FGD6: variants seen among roughly 807,000 people sequenced by gnomAD.
FGD6 encodes FYVE, RhoGEF and PH domain-containing protein 6.
Under a neutral mutation model 149.4 loss-of-function variants are expected in FGD6, and 90 were observed. That is an observed-to-expected ratio of 0.60 (90% CI 0.51 to 0.72). The LOEUF is 0.72. Ranked by LOEUF, FGD6 falls within the 30% of genes least tolerant of loss-of-function variation. FGD6 has a pLI of 0.00. For synonymous variants in FGD6, 527 were observed against 584.0 expected (o/e 0.90, Z 1.41); for missense variants, 1,437 against 1,684.8 (o/e 0.85, Z 2.57).
chr12:95,169,781 T>C (rs1436085831), intron 3 of FGD6, among the ~76,000 whole-genome samples: 1 of 150,574 alleles, frequency 6.6e-6, no homozygotes, highest in East Asian at 1.9e-4. Flanking sequence ...AACTTGGGAG[T>C]TGCTTTTCAA....
At chr12:95,150,491 G>C (rs1387261850) in intron 5 of FGD6, among the ~76,000 whole-genome samples, 1 of 151,930 alleles carries the variant, frequency 6.6e-6, no homozygotes, top group Non-Finnish European at 1.5e-5. Context: ...GGATGTTCAG[G>C]GCAGAGCAGC....
rs192485027 is a variant in FGD6, at chr12:95,149,365, T to C, written c.2685+3446A>G. Among the ~76,000 whole-genome samples, 755 of 116,150 alleles carry C rather than the reference T, an allele frequency of 6.5e-3. 13 individuals are homozygous for C. The highest frequency in any genetic ancestry group is 0.024 in the African/African-American group (713 of 30,016). The allele number at this position is 116,150 out of a possible 152,430, so 76.2% of individuals were successfully genotyped here. Reference sequence around the variant, plus strand: ...ATAATATATAGCATATATTATATTATATATAGCACATATTTTATATATATA... The same window carrying C: ...ATAATATATAGCATATATTATATTACATATAGCACATATTTTATATATATA... On this transcript the variant is annotated intron_variant, in intron 5 of 20. Coordinates refer to ENST00000343958, the MANE Select transcript of FGD6 (RefSeq NM_018351.4).
chr12:95,172,915 G>C (rs1404382552), intron 2 of FGD6, among the ~76,000 whole-genome samples, 171 bp from the exon 3 acceptor site: 1 of 152,162 alleles, frequency 6.6e-6, no homozygotes, highest in Non-Finnish European at 1.5e-5. Flanking sequence ...CCCTGTCTCA[G>C]CTGCCAAAAA....
At chr12:95,180,584 G>T (rs1881254825) in intron 2 of FGD6, among the ~76,000 whole-genome samples, 2 of 151,846 alleles carry the variant, frequency 1.3e-5, no homozygotes, top group Admixed American at 6.6e-5. Context: ...CTTTTGTAGA[G>T]ACTGGGTTTT....
intron 8 of FGD6, among the ~76,000 whole-genome samples, chr12:95,128,146 T>A (rs374782004): frequency 4.6e-5 from 7 of 152,216 alleles, no homozygotes; most frequent in African/African-American, 1.7e-4. Flanking sequence ...AGACAAAAAG[T>A]GGCCCTTACA....
At chr12:95,100,306 A>G (rs1878382317) in intron 14 of FGD6, among the ~76,000 whole-genome samples, 1 of 152,110 alleles carries the variant, frequency 6.6e-6, no homozygotes, top group Non-Finnish European at 1.5e-5. Context: ...ATAGCAGACA[A>G]TCGCCTTCCC....
intron 9 of FGD6, 75 bp downstream of exon 9, chr12:95,113,576 C>T: frequency 8.8e-7 from 1 of 1,132,152 alleles, no homozygotes; most frequent in East Asian, 2.4e-5. Flanking sequence ...ATTTTGTTAT[C>T]AATATATTTT....
intron 2 of FGD6, among the ~76,000 whole-genome samples, chr12:95,182,014 T>C (rs1474497004): frequency 6.6e-6 from 1 of 151,970 alleles, no homozygotes; most frequent in Non-Finnish European, 1.5e-5. Context: ...GTTTCTCTTA[T>C]TGAAAACGAA....
At chr12:95,196,994 T>TC (rs1565921655) in intron 2 of FGD6, among the ~76,000 whole-genome samples, 17 of 152,166 alleles carry the variant, frequency 1.1e-4, no homozygotes, top group African/African-American at 3.9e-4. Flanking sequence ...ACCTTGGAAG[T>TC]AGATTCAGCA....
At chr12:95,185,451 A>G (rs951797547) in intron 2 of FGD6, among the ~76,000 whole-genome samples, 2 of 148,462 alleles carry the variant, frequency 1.3e-5, no homozygotes, top group Non-Finnish European at 1.5e-5. Flanking sequence ...AGCAGAGAAG[A>G]AAAAAAAAAT....
intron 2 of FGD6, among the ~76,000 whole-genome samples, chr12:95,199,512 T>C (rs1881813581): frequency 6.6e-6 from 1 of 152,088 alleles, no homozygotes; most frequent in Non-Finnish European, 1.5e-5. Flanking sequence ...TATCTATCCC[T>C]GCCTTCCTCC....
At chr12:95,148,606 TTATATATATTATATAATA>T (rs1592851771) in intron 5 of FGD6, among the ~76,000 whole-genome samples, 1 of 107,382 alleles carries the variant, frequency 9.3e-6, no homozygotes, top group African/African-American at 3.3e-5. Flanking sequence ...ACATAGCATG[TTATATATATTATATAATA>T]CATAGCATAT....
At chr12:95,216,756 G>A (rs547630386) in intron 1 of FGD6, among the ~76,000 whole-genome samples, 2 of 149,672 alleles carry the variant, frequency 1.3e-5, no homozygotes, top group Admixed American at 1.3e-4. Context: ...ACATGACAAT[G>A]TCTACGCCTC....
intron 19 of FGD6, among the ~76,000 whole-genome samples, chr12:95,085,213 C>CT (rs34135341): frequency 0.23 from 27,105 of 118,124 alleles, 3,808 homozygotes; most frequent in Non-Finnish European, 0.27. Context: ...ACAGCTCTGC[C>CT]TTTTTTTTTT....
At chr12:95,116,172 A>G (rs1455803445) in intron 8 of FGD6, among the ~76,000 whole-genome samples, 2 of 152,226 alleles carry the variant, frequency 1.3e-5, no homozygotes, top group Non-Finnish European at 2.9e-5. Flanking sequence ...CCCACTCAGA[A>G]TGCATTCAAT....
intron 8 of FGD6, among the ~76,000 whole-genome samples, chr12:95,119,771 T>G (rs1879131674): frequency 6.6e-6 from 1 of 152,100 alleles, no homozygotes; most frequent in Admixed American, 6.5e-5. Flanking sequence ...TCTCTACTAA[T>G]TAGCTGGGGG....
intron 5 of FGD6, among the ~76,000 whole-genome samples, chr12:95,143,335 ATAACT>A (rs1431753925): frequency 2.0e-5 from 3 of 150,216 alleles, no homozygotes; most frequent in African/African-American, 7.4e-5. Context: ...AACCTCATAG[ATAACT>A]TAAAGTATAT....
rs543955972 is a variant in FGD6 at position 95,085,895 on chromosome 12, G to A, written c.3992C>T (p.Thr1331Ile). ...PAALKEVSAN[T>I]EDSSMSGYLY... ...GTAGCCACTCATAGAAGAATCCTCT[G>A]TGTTTGCTGATACCTAGATAAGAAA... Residue 1331 changes from threonine (T) to isoleucine (I), a missense_variant, in exon 19 of 21, where the codon ACA becomes ATA. This residue lies in a region of FGD6 where 382 missense variants were observed against 538.7 expected (regional missense o/e 0.71). Transcript: ENST00000343958. 1 of 1,605,492 alleles carries A rather than the reference G, an allele frequency of 6.2e-7. No individual in the cohort carries two copies. The highest frequency in any genetic ancestry group is 2.2e-5 in the East Asian group (1 of 44,792).
Position 95,084,440 on chromosome 12 carries a change from C to T in FGD6, c.4256+58G>A. The T allele has an allele frequency of 7.1e-6, 10 of 1,409,062 alleles. No homozygotes were observed. The South Asian group carries it at 1.6e-4, about 23-fold the overall frequency. The allele number at this position is 1,409,062 out of a possible 1,614,324, so 87.3% of individuals were successfully genotyped here. Reference sequence around the variant, plus strand: ...GCCTTAAAGTAGGTCATTTTACAAGCAACCATTAAAAAACTGAAATCTCAT... The same window carrying T: ...GCCTTAAAGTAGGTCATTTTACAAGTAACCATTAAAAAACTGAAATCTCAT... On this transcript the variant is annotated intron_variant, in intron 20 of 20. Transcript: ENST00000343958.
Sources: allele counts gnomAD v4.1 joint callset (sites outside exome capture counted in the v4.1 genomes callset), GRCh38; gene constraint gnomAD v4.1.1; regional missense constraint gnomAD v4.1.1; transcripts MANE v1.5; gene names NCBI Gene and HGNC (gene_info 2026-07-23, HGNC 2026-07-21).